CFDP1: variants seen among roughly 807,000 people sequenced by gnomAD.
CFDP1 encodes chromatin remodeling protein CFDP1.
A neutral mutation model predicts 40.1 loss-of-function variants in CFDP1; 31 were observed. The ratio of observed to expected loss-of-function variants is 0.77; its 90% CI spans 0.58 to 1.04. CFDP1 has a LOEUF of 1.04. Ranked by LOEUF, CFDP1 falls within the 50% of genes least tolerant of loss-of-function variation. The pLI is 0.00. For synonymous variants in CFDP1, 167 were observed against 120.0 expected (o/e 1.39, Z -2.56); for missense variants, 423 against 343.4 (o/e 1.23, Z -1.83).
At chr16:75,398,125 G>A (rs1217767781) in intron 4 of CFDP1, among the ~76,000 whole-genome samples, 2 of 152,206 alleles carry the variant, frequency 1.3e-5, no homozygotes, top group South Asian at 2.1e-4. Context: ...GATACTCAGA[G>A]GCAAAAGGCA....
At chr16:75,370,974 A>G (rs953057246) in intron 5 of CFDP1, among the ~76,000 whole-genome samples, 3 of 152,230 alleles carry the variant, frequency 2.0e-5, no homozygotes, top group African/African-American at 7.2e-5. Context: ...TCACTTTGTT[A>G]GTTTATTCAT....
intron 5 of CFDP1, among the ~76,000 whole-genome samples, chr16:75,337,234 G>C (rs535261196): frequency 1.3e-5 from 2 of 152,218 alleles, no homozygotes; most frequent in African/African-American, 2.4e-5. Flanking sequence ...GTGCAGGAAT[G>C]ATGACACTGG....
chr16:75,320,443 T>TAA (rs11450908), intron 5 of CFDP1, among the ~76,000 whole-genome samples: 79 of 150,132 alleles, frequency 5.3e-4, no homozygotes, highest in Admixed American at 6.6e-4. Context: ...GAAAACTAGT[T>TAA]AAAAAAAAAA....
chr16:75,327,117 A>C (rs1313711019), intron 5 of CFDP1, among the ~76,000 whole-genome samples: 1 of 152,048 alleles, frequency 6.6e-6, no homozygotes, highest in Non-Finnish European at 1.5e-5. Context: ...AAATACAAAA[A>C]ATAGCTGGGC....
intron 1 of CFDP1, among the ~76,000 whole-genome samples, chr16:75,418,591 G>A (rs1046037956): frequency 6.6e-6 from 1 of 152,034 alleles, no homozygotes; most frequent in African/African-American, 2.4e-5. Flanking sequence ...TTACAGGCGT[G>A]AGCCAACGCG....
chr16:75,303,431 AG>A lies in CFDP1; in HGVS notation c.809+1592del, dbSNP rs199750121. On this transcript the variant is annotated intron_variant, in intron 6 of 6. Coordinates refer to ENST00000283882, the MANE Select transcript of CFDP1 (RefSeq NM_006324.3). Reference sequence around the variant, plus strand: ...TGTATGTATGTATGTATGTATGTTTAGGGAAAAAAAAACCATACTGGTCAGC... The same window carrying A: ...TGTATGTATGTATGTATGTATGTTTAGGAAAAAAAAACCATACTGGTCAGC... Among the ~76,000 whole-genome samples the A allele has an allele frequency of 6.8e-4, 41 of 60,456 alleles. 1 individual carries two copies. The South Asian group carries it at 9.3e-3, about 14-fold the overall frequency. 39.7% of individuals were successfully genotyped at this position (60,456 alleles called of 152,430 possible).
At chr16:75,351,951 T>G (rs1043219458) in intron 5 of CFDP1, among the ~76,000 whole-genome samples, 2 of 131,302 alleles carry the variant, frequency 1.5e-5, no homozygotes, top group Admixed American at 8.7e-5. Context: ...GAGGTTGCAG[T>G]AAGCCAAGAT....
intron 5 of CFDP1, among the ~76,000 whole-genome samples, chr16:75,349,676 A>ATATATATATATAT (rs1199163361): frequency 3.4e-4 from 2 of 5,872 alleles, no homozygotes; most frequent in African/African-American, 6.2e-4. Context: ...AAAAAAAAAA[A>ATATATATATATAT]AAAAAAAAAA....
chr16:75,296,523 C>T (rs76869007), intron 6 of CFDP1, among the ~76,000 whole-genome samples: 5 of 152,180 alleles, frequency 3.3e-5, no homozygotes, highest in African/African-American at 4.8e-5. Flanking sequence ...TGAGAGCCAT[C>T]GGGCCCAGCC....
At chr16:75,326,533 T>G (rs750817087) in intron 5 of CFDP1, among the ~76,000 whole-genome samples, 1 of 152,240 alleles carries the variant, frequency 6.6e-6, no homozygotes, top group Non-Finnish European at 1.5e-5. Flanking sequence ...AAGAGAATTA[T>G]GCAGACACAA....
At chr16:75,364,144 C>T (rs1465090251) in intron 5 of CFDP1, among the ~76,000 whole-genome samples, 4 of 107,106 alleles carry the variant, frequency 3.7e-5, no homozygotes, top group Non-Finnish European at 9.1e-5. Context: ...ACAAAACAAA[C>T]AAACAAACAA....
intron 5 of CFDP1, among the ~76,000 whole-genome samples, chr16:75,326,554 T>C (rs1281038833): frequency 6.6e-6 from 1 of 152,220 alleles, no homozygotes; most frequent in Non-Finnish European, 1.5e-5. Flanking sequence ...ACTTCCTCTC[T>C]CGTTCAGTGG....
At chr16:75,346,582 C>CAAAAAAAAAAAAAAAAAAAAAAA (rs748081401) in intron 5 of CFDP1, among the ~76,000 whole-genome samples, 2 of 59,328 alleles carry the variant, frequency 3.4e-5, no homozygotes, top group Non-Finnish European at 5.8e-5. Flanking sequence ...GACTCTGTCT[C>CAAAAAAAAAAAAAAAAAAAAAAA]AAAAAAAAAA....
intron 4 of CFDP1, among the ~76,000 whole-genome samples, chr16:75,401,428 C>CAAAA (rs35178768): frequency 5.4e-5 from 5 of 92,452 alleles, no homozygotes; most frequent in African/African-American, 2.3e-4. Context: ...GACTCCGTCT[C>CAAAA]AAAAAAAAAA....
chr16:75,422,989 T>C (rs928849646), intron 1 of CFDP1, among the ~76,000 whole-genome samples: 3 of 150,720 alleles, frequency 2.0e-5, no homozygotes, highest in African/African-American at 7.3e-5. Flanking sequence ...CTACAAAAAA[T>C]AAAAAATTAG....
At chr16:75,422,396 CTTTTTTTTT>C (rs765465924) in intron 1 of CFDP1, among the ~76,000 whole-genome samples, 1 of 129,470 alleles carries the variant, frequency 7.7e-6, no homozygotes, top group South Asian at 2.5e-4. Flanking sequence ...CGTATGGCCT[CTTTTTTTTT>C]TTTTTTTTTT....
chr16:75,411,731 A>T, intron 4 of CFDP1, 94 bp downstream of exon 4: 4 of 1,243,104 alleles, frequency 3.2e-6, no homozygotes, highest in Non-Finnish European at 4.6e-6. Context: ...AAATATTATG[A>T]TGGATTGAAA....
At chr16:75,397,030 C>T (rs963324328) in intron 4 of CFDP1, among the ~76,000 whole-genome samples, 1 of 152,044 alleles carries the variant, frequency 6.6e-6, no homozygotes, top group African/African-American at 2.4e-5. Flanking sequence ...TCTCCTGCCT[C>T]AGCCTCCCAA....
At chr16:75,332,476 GTAAAATAAAATAAAA>G (rs552824429) in intron 5 of CFDP1, among the ~76,000 whole-genome samples, 2 of 151,186 alleles carry the variant, frequency 1.3e-5, no homozygotes, top group Admixed American at 6.6e-5. Context: ...AAAATAAAAA[GTAAAATAAAATAAAA>G]TAAAATAAAA....
Sources: gnomAD v4.1 joint callset for allele counts (sites outside exome capture counted in the v4.1 genomes callset) on GRCh38, gnomAD v4.1.1 for gene constraint, MANE v1.5 for transcripts, NCBI Gene and HGNC (gene_info 2026-07-23, HGNC 2026-07-21) for gene names.